Variants in GPC5 observed in about 807,000 individuals in gnomAD.
GPC5 encodes glypican 5.
Under a neutral mutation model 53.9 loss-of-function variants are expected in GPC5, and 47 were observed. The observed-to-expected ratio is 0.87, with a 90% CI of 0.69 to 1.11. The LOEUF (loss-of-function observed/expected upper bound fraction) is 1.11. GPC5 is among the 50% of genes most tolerant of loss of function. GPC5 has a pLI of 0.00. For synonymous variants in GPC5, 286 were observed against 263.3 expected (o/e 1.09, Z -0.84); for missense variants, 748 against 713.1 (o/e 1.05, Z -0.56).
At chr13:92,674,550 AGC>A (rs1886866543) in intron 7 of GPC5, among the ~76,000 whole-genome samples, 1 of 18,708 alleles carries the variant, frequency 5.3e-5, no homozygotes, top group Non-Finnish European at 1.4e-4. Flanking sequence ...ATGAAGCAGG[AGC>A]TTCATGAAGC....
At chr13:92,700,607 T>C (rs144526183) in intron 7 of GPC5, among the ~76,000 whole-genome samples, 38 of 152,182 alleles carry the variant, frequency 2.5e-4, no homozygotes, top group African/African-American at 9.1e-4. Flanking sequence ...TGTTTCTGCT[T>C]CTATTGCAAT....
At chr13:92,028,135 A>T (rs1254096477) in intron 6 of GPC5, among the ~76,000 whole-genome samples, 1 of 152,140 alleles carries the variant, frequency 6.6e-6, no homozygotes, top group East Asian at 1.9e-4. Flanking sequence ...TTTAATCCGT[A>T]TTTCAAAACC....
chr13:92,160,736 G>T (rs899131498), intron 7 of GPC5, among the ~76,000 whole-genome samples: 1 of 152,152 alleles, frequency 6.6e-6, no homozygotes, highest in Non-Finnish European at 1.5e-5. Context: ...CAACTCTACA[G>T]AACAGGGGAA....
At chr13:92,336,850 A>T (rs2043327079) in intron 7 of GPC5, among the ~76,000 whole-genome samples, 1 of 152,176 alleles carries the variant, frequency 6.6e-6, no homozygotes, top group Admixed American at 6.6e-5. Context: ...TTTAAAAAAG[A>T]GATGGGAATC....
At chr13:92,178,778 C>G (rs992723860) in intron 7 of GPC5, among the ~76,000 whole-genome samples, 3 of 152,006 alleles carry the variant, frequency 2.0e-5, no homozygotes, top group African/African-American at 7.2e-5. Context: ...AGATCAAGAC[C>G]ATCCTGGTTA....
chr13:92,435,586 G>C (rs1252490085), intron 7 of GPC5, among the ~76,000 whole-genome samples: 6 of 152,190 alleles, frequency 3.9e-5, no homozygotes, highest in African/African-American at 4.8e-5. Flanking sequence ...CAAAGACAAA[G>C]TTTGAAATGT....
chr13:92,136,375 T>C (rs1396710247), intron 6 of GPC5, among the ~76,000 whole-genome samples: 1 of 149,360 alleles, frequency 6.7e-6, no homozygotes, highest in Admixed American at 6.6e-5. Context: ...TTTTTTATTC[T>C]ATACATGATA....
rs184916881 is a variant in GPC5 at position 92,025,356 on chromosome 13, T to A, written c.1401+117299T>A. Among the ~76,000 whole-genome samples, 411 of 152,286 alleles carry A rather than the reference T, an allele frequency of 2.7e-3. 2 individuals are homozygous for A. The highest frequency in any genetic ancestry group is 9.3e-3 in the African/African-American group (387 of 41,566). ...CCTGATCTCTCCCCCAAAACACTTCTGTGTACACAGAGAAAGACTAAAAAT... is the reference window on the plus strand; with the variant it reads ...CCTGATCTCTCCCCCAAAACACTTCAGTGTACACAGAGAAAGACTAAAAAT... On this transcript the variant is annotated intron_variant, in intron 6 of 7. Transcript: ENST00000377067.
intron 7 of GPC5, among the ~76,000 whole-genome samples, chr13:92,163,199 C>T (rs981094311): frequency 2.0e-5 from 3 of 152,114 alleles, no homozygotes; most frequent in Admixed American, 6.5e-5. Context: ...TGGTGATTCA[C>T]GCCTGTAATC....
chr13:92,478,747 C>A (rs188978846), intron 7 of GPC5, among the ~76,000 whole-genome samples: 1 of 152,180 alleles, frequency 6.6e-6, no homozygotes, highest in Non-Finnish European at 1.5e-5. Flanking sequence ...CATAAAGAGT[C>A]CCACCGCAGG....
At chr13:92,034,612 G>T (rs1370708841) in intron 6 of GPC5, among the ~76,000 whole-genome samples, 1 of 152,018 alleles carries the variant, frequency 6.6e-6, no homozygotes, top group Non-Finnish European at 1.5e-5. Flanking sequence ...GATACAATGG[G>T]GGCCTCTGAA....
chr13:92,370,708 A>G (rs561054928), intron 7 of GPC5, among the ~76,000 whole-genome samples: 1 of 152,236 alleles, frequency 6.6e-6, no homozygotes, highest in Non-Finnish European at 1.5e-5. Context: ...TACATAGTAC[A>G]TTGAATGTAT....
At chr13:92,194,268 G>T (rs192750263) in intron 7 of GPC5, among the ~76,000 whole-genome samples, 5 of 152,194 alleles carry the variant, frequency 3.3e-5, no homozygotes, top group Non-Finnish European at 7.4e-5. Context: ...TGTGTGCTTG[G>T]GATGCAAATA....
chr13:91,533,551 G>C (rs1886450741), intron 2 of GPC5, among the ~76,000 whole-genome samples: 1 of 152,060 alleles, frequency 6.6e-6, no homozygotes, highest in African/African-American at 2.4e-5. Context: ...GGGGAAGATA[G>C]ATAATGAACA....
chr13:92,365,101 G>T (rs2139286627), intron 7 of GPC5, among the ~76,000 whole-genome samples: 1 of 151,846 alleles, frequency 6.6e-6, no homozygotes, highest in South Asian at 2.1e-4. Flanking sequence ...GAGAAATGCA[G>T]TGTTAGGCGG....
At chr13:91,446,871 T>C (rs1185439058) in intron 1 of GPC5, among the ~76,000 whole-genome samples, 7 of 152,178 alleles carry the variant, frequency 4.6e-5, no homozygotes, top group Admixed American at 4.6e-4. Flanking sequence ...AAGTCAATCT[T>C]TGAGGGTTTG....
intron 7 of GPC5, among the ~76,000 whole-genome samples, chr13:92,438,294 G>A (rs1877400014): frequency 6.6e-6 from 1 of 151,622 alleles, no homozygotes; most frequent in South Asian, 2.1e-4. Context: ...AAAATCACAC[G>A]TAAGCTGTGT....
In GPC5 at chr13:92,566,480, C is replaced by T. The variant is rs982263351; in HGVS notation, c.1562-299802C>T. On this transcript the variant is annotated intron_variant, in intron 7 of 7. Coordinates refer to ENST00000377067, the MANE Select transcript of GPC5 (RefSeq NM_004466.6). ...AGTCAATTCATTACATCACAGCCCA[C>T]AGGCTTTCAGGGCCCCAAGGGAGTT... Among the ~76,000 whole-genome samples, 32 of 152,116 alleles carry T rather than the reference C, an allele frequency of 2.1e-4. 1 individual carries two copies. Among genetic ancestry groups the T allele is most frequent in the African/African-American group, 7.7e-4 (32 of 41,434 alleles).
intron 2 of GPC5, among the ~76,000 whole-genome samples, chr13:91,568,515 C>T (rs1442665275): frequency 6.6e-6 from 1 of 151,190 alleles, no homozygotes; most frequent in Non-Finnish European, 1.5e-5. Context: ...TCTACAAATT[C>T]CTGAGTTGTA....
Sources: gnomAD v4.1 joint callset for allele counts (sites outside exome capture counted in the v4.1 genomes callset) on GRCh38, gnomAD v4.1.1 for gene constraint, MANE v1.5 for transcripts, NCBI Gene and HGNC (gene_info 2026-07-23, HGNC 2026-07-21) for gene names.